The following ADAP1 variants were observed in gnomAD, a reference collection of about 807,000 sequenced individuals.
ADAP1 encodes arf-GAP with dual PH domain-containing protein 1.
In ADAP1, 31 loss-of-function variants were observed where a neutral mutation model predicts 54.9. The observed-to-expected ratio is 0.56, with a 90% CI of 0.42 to 0.76. ADAP1 has a LOEUF of 0.76. Ranked by LOEUF, ADAP1 falls within the 30% of genes least tolerant of loss-of-function variation. The pLI, the probability that ADAP1 is intolerant of heterozygous loss-of-function variation, is 0.00. For missense variants in ADAP1, 535 were observed against 512.4 expected (o/e 1.04, Z -0.42); for synonymous variants, 313 against 202.6 (o/e 1.55, Z -4.63).
At chr7:908,442 GC>G (rs1483836906) in intron 4 of ADAP1, among the ~76,000 whole-genome samples, 1 of 152,152 alleles carries the variant, frequency 6.6e-6, no homozygotes, top group Non-Finnish European at 1.5e-5. Context: ...TCCCCTCACT[GC>G]CCGGAGCTCC....
intron 1 of ADAP1, among the ~76,000 whole-genome samples, chr7:951,104 GT>G (rs1847257650): frequency 6.6e-6 from 1 of 152,200 alleles, no homozygotes. Flanking sequence ...GCCAGGCGCG[GT>G]GGCTCATGCC....
chr7:920,829 G>A lies in ADAP1; in HGVS notation c.306-779C>T, dbSNP rs747638956. On this transcript the variant is annotated intron_variant, in intron 3 of 10. Coordinates refer to ENST00000265846, the MANE Select transcript of ADAP1 (RefSeq NM_006869.4). The surrounding 1 kb of genome is among the most constrained non-coding windows in gnomAD (Gnocchi z 4.5). ...TGCAGAAACCACGACCCACACACAG[G>A]CCCGGCACGGCCCAGGTGCACAGGC... 20 of 1,550,102 alleles carry A rather than the reference G, an allele frequency of 1.3e-5. No homozygotes were observed. The highest frequency in any genetic ancestry group is 4.9e-5 in the East Asian group (2 of 40,906).
In ADAP1 at chr7:924,600, C is replaced by A. The variant is rs1335810314; in HGVS notation, c.305+1953G>T. ...CTCCAAGTTATACTGCAGGTCCACA[C>A]TGCACCCCTGCCATGCCCCAGCATC... On this transcript the variant is annotated intron_variant, in intron 3 of 10. Transcript: ENST00000265846. 4.0e-5 allele frequency among the ~76,000 whole-genome samples: 6 copies of A among 150,904 alleles called. No individual in the cohort carries two copies. The East Asian group carries it at 1.2e-3, about 30-fold the overall frequency.
rs895491831 is a variant in ADAP1, at chr7:926,177, C to T, written c.305+376G>A. ...GGCCACCGGTACCCACGTCCGCTCCCGCCCTGAGGAGCCAGGGCAGGCCCC... is the reference window on the plus strand; with the variant it reads ...GGCCACCGGTACCCACGTCCGCTCCTGCCCTGAGGAGCCAGGGCAGGCCCC... On this transcript the variant is annotated intron_variant, in intron 3 of 10. Transcript: ENST00000265846. This position sits in a 1 kb window ranked among gnomAD's most constrained non-coding sequence, Gnocchi z 4.6. Among the ~76,000 whole-genome samples, 13 of 149,182 alleles carry T rather than the reference C, an allele frequency of 8.7e-5. No individual in the cohort carries two copies. The highest frequency in any genetic ancestry group is 1.3e-4 in the Admixed American group (2 of 14,918).
chr7:912,133 G>A (rs964365876), intron 4 of ADAP1, among the ~76,000 whole-genome samples: 13 of 152,130 alleles, frequency 8.5e-5, no homozygotes, highest in Admixed American at 5.2e-4. Flanking sequence ...TTACGGCAAC[G>A]GTCGGCCCAT....
chr7:909,345 G>A (rs1372105912), intron 4 of ADAP1, among the ~76,000 whole-genome samples: 7 of 85,344 alleles, frequency 8.2e-5, no homozygotes, highest in African/African-American at 3.4e-4. Context: ...GACAGCAGGC[G>A]CCAGCGGGAA....
chr7:935,383 G>C lies in ADAP1; in HGVS notation c.205C>G (p.Gln69Glu). Residue 69 changes from glutamine to glutamate, a missense_variant, in exon 2 of 11, where the codon CAA (glutamine) becomes GAA (glutamate). Transcript: ENST00000265846. ...SVRLDAWEEA[Q>E]VEFMASHGND... is the part of the protein sequence containing the mutation. ...CCCCTCCCCCTCCGTACCTCCACTT[G>C]GGCCTCCTCCCAGGCGTCCAGGCGG... 1.3e-6 allele frequency: 2 copies of C among 1,555,592 alleles called. No individual in the cohort carries two copies. Among genetic ancestry groups the C allele is most frequent in the Non-Finnish European group, 1.7e-6 (2 of 1,149,204 alleles).
intron 3 of ADAP1, among the ~76,000 whole-genome samples, chr7:922,389 C>T (rs1050063261): frequency 5.3e-5 from 8 of 152,262 alleles, no homozygotes; most frequent in Admixed American, 3.9e-4. Context: ...GGGGGCCGGG[C>T]AGGTGCTCAG....
chr7:953,006 A>G (rs1411010824), intron 1 of ADAP1, among the ~76,000 whole-genome samples: 1 of 152,110 alleles, frequency 6.6e-6, no homozygotes, highest in Non-Finnish European at 1.5e-5. Flanking sequence ...AGTCCAGAGA[A>G]GCTGCTCCCA....
chr7:905,251 A>T (rs1176458146), intron 4 of ADAP1, 79 bp from the exon 5 acceptor site: 2 of 932,554 alleles, frequency 2.1e-6, no homozygotes, highest in Admixed American at 2.1e-5. Flanking sequence ...GACAGGACAG[A>T]GGGGACATGG....
Position 926,411 on chromosome 7 carries a change from G to T in ADAP1, c.305+142C>A, listed in dbSNP as rs965059243. 1 of 557,356 alleles carries T rather than the reference G, an allele frequency of 1.8e-6. No individual in the cohort carries two copies. The highest frequency in any genetic ancestry group is 2.9e-6 in the Non-Finnish European group (1 of 348,476). 34.5% of individuals were successfully genotyped at this position (557,356 alleles called of 1,614,324 possible). The stretch of plus-strand genomic sequence containing the variant: ...CCAGCAGACACAGGCGGCACCTCGG[G>T]GTCTGGGGGACGCAGCTGCGGCTGG... On this transcript the variant is annotated intron_variant, in intron 3 of 10. Coordinates refer to ENST00000265846, the MANE Select transcript of ADAP1 (RefSeq NM_006869.4). This position sits in a 1 kb window ranked among gnomAD's most constrained non-coding sequence, Gnocchi z 4.6.
chr7:923,033 C>G (rs1439178956), intron 3 of ADAP1: 1 of 152,010 alleles, frequency 6.6e-6, no homozygotes, highest in Non-Finnish European at 1.5e-5. Flanking sequence ...CCCAATCCAA[C>G]GTGCCCGGTG....
intron 1 of ADAP1, among the ~76,000 whole-genome samples, chr7:947,742 G>A (rs944021005): frequency 2.0e-5 from 3 of 151,802 alleles, no homozygotes; most frequent in Admixed American, 2.0e-4. Flanking sequence ...TCCCGCTCCC[G>A]CGCTGGCCCT....
intron 1 of ADAP1, among the ~76,000 whole-genome samples, chr7:944,062 C>T (rs1463067027): frequency 6.6e-6 from 1 of 151,612 alleles, no homozygotes; most frequent in African/African-American, 2.4e-5. Context: ...ACTACAGGTG[C>T]GCACCACCAT....
rs780011043 is a variant in ADAP1 at position 904,264 on chromosome 7, C to T, written c.510G>A (p.Glu170=). The T allele has an allele frequency of 6.3e-7, 1 of 1,593,050 alleles. No homozygotes were observed. Among genetic ancestry groups the T allele is most frequent in the Admixed American group, 1.7e-5 (1 of 58,524 alleles). The change falls in exon 6 of 11, where the codon GAG becomes GAA. Residue 170 remains glutamate, a synonymous_variant. Transcript: ENST00000265846. ...GCTCGATCTTCATCACGGCCTTGGGCTCCTTGGCCTGAGAAGGGGTGGGGT... is the reference window on the plus strand; with the variant it reads ...GCTCGATCTTCATCACGGCCTTGGGTTCCTTGGCCTGAGAAGGGGTGGGGT... ...LKYFNRNDAK[E]PKAVMKIEHL... is the part of the protein sequence containing the mutation.
intron 4 of ADAP1, among the ~76,000 whole-genome samples, chr7:915,242 G>GCCTGCACACCTCGC (rs899606095): frequency 6.6e-6 from 1 of 151,898 alleles, no homozygotes; most frequent in Non-Finnish European, 1.5e-5. Context: ...TGCACACCTC[G>GCCTGCACACCTCGC]CCTGTGCATC....
chr7:918,788 C>A (rs1171712500), intron 4 of ADAP1, among the ~76,000 whole-genome samples: 5 of 150,372 alleles, frequency 3.3e-5, no homozygotes, highest in African/African-American at 9.8e-5. Context: ...GGGGAAAAAA[C>A]CACTCAAGGC....
intron 4 of ADAP1, among the ~76,000 whole-genome samples, chr7:916,616 GTGCC>G (rs1562923242): frequency 6.6e-6 from 1 of 152,174 alleles, no homozygotes; most frequent in Non-Finnish European, 1.5e-5. Flanking sequence ...GCAGGTCCAG[GTGCC>G]CGCGTGTTCA....
intron 1 of ADAP1, among the ~76,000 whole-genome samples, chr7:942,932 T>G (rs796425584): frequency 0.023 from 53 of 2,346 alleles, no homozygotes; most frequent in African/African-American, 0.025. Flanking sequence ...AGGAAGGGAG[T>G]GAGGAGGAGG....
Sources: allele counts gnomAD v4.1 joint callset (sites outside exome capture counted in the v4.1 genomes callset), GRCh38; gene constraint gnomAD v4.1.1; non-coding constraint Gnocchi (gnomAD v3.1); transcripts MANE v1.5; gene names NCBI Gene and HGNC (gene_info 2026-07-23, HGNC 2026-07-21).